Variants in MCC observed in about 807,000 individuals in gnomAD.
MCC encodes the protein colorectal mutant cancer protein.
In MCC, 90 loss-of-function variants were observed where a neutral mutation model predicts 116.2. That is an observed-to-expected ratio of 0.77 (90% confidence interval 0.65 to 0.92). The LOEUF (loss-of-function observed/expected upper bound fraction) is 0.92, where lower values mean the gene tolerates loss of function less well. Ranked by LOEUF, MCC falls within the 40% of genes least tolerant of loss-of-function variation. MCC has a pLI of 0.00. For synonymous variants in MCC, 578 were observed against 510.5 expected, an observed-to-expected ratio of 1.13 and a Z score of -1.78; for missense variants, 1,516 against 1,312.2, an observed-to-expected ratio of 1.16 and a Z score of -2.40.
intron 1 of MCC, among the ~76,000 whole-genome samples, chr5:113,415,555 G>A (rs547287710): frequency 4.6e-5 from 7 of 152,034 alleles, no homozygotes; most frequent in East Asian, 1.9e-4. Flanking sequence ...CCACTTGATC[G>A]AATTGGCTAT....
chr5:113,037,973 C>A (rs1225332655), intron 17 of MCC, among the ~76,000 whole-genome samples: 3 of 152,122 alleles, frequency 2.0e-5, no homozygotes, highest in Non-Finnish European at 2.9e-5. Flanking sequence ...GCACCCTAAT[C>A]CGAAGTGTGT....
intron 8 of MCC, among the ~76,000 whole-genome samples, chr5:113,100,746 C>T (rs567773690): frequency 6.6e-6 from 1 of 152,308 alleles, no homozygotes; most frequent in East Asian, 1.9e-4. Flanking sequence ...GCTCGGATTA[C>T]AGGCGTGAGC....
chr5:113,222,245 C>G (rs1280827799), intron 3 of MCC, among the ~76,000 whole-genome samples: 1 of 152,152 alleles, frequency 6.6e-6, no homozygotes, highest in African/African-American at 2.4e-5. Flanking sequence ...ACTGAACTAG[C>G]TTTGCGTTGC....
At chr5:113,197,799 G>A (rs1258087627) in intron 3 of MCC, among the ~76,000 whole-genome samples, 2 of 152,236 alleles carry the variant, frequency 1.3e-5, no homozygotes, top group Admixed American at 1.3e-4. Context: ...AGGTCACAGG[G>A]GAACTGTGAA....
chr5:113,120,561 T>G (rs7701321), intron 6 of MCC, among the ~76,000 whole-genome samples: 17,637 of 152,220 alleles, frequency 0.12, 1,683 homozygotes, highest in African/African-American at 0.25. Context: ...TGGATTGGTT[T>G]ATTACCTCAT....
Position 113,083,024 on chromosome 5 carries a change from T to C in MCC, c.1636-16A>G. 1 of 1,607,798 alleles carries C rather than the reference T, an allele frequency of 6.2e-7. No individual in the cohort carries two copies. The highest frequency in any genetic ancestry group is 1.1e-5 in the South Asian group (1 of 89,784). ...TGCTGGATACCTGCAAAAAGAAGCA[T>C]TAATTCCCCTTTGGAACATATCATT... is the stretch of plus-strand genomic sequence containing the variant. On this transcript the variant is annotated splice_polypyrimidine_tract_variant and intron_variant, in intron 10 of 18. Coordinates refer to ENST00000408903, the MANE Select transcript of MCC (RefSeq NM_001085377.2).
intron 3 of MCC, among the ~76,000 whole-genome samples, chr5:113,277,321 T>C (rs1366960816): frequency 6.6e-6 from 1 of 151,564 alleles, no homozygotes; most frequent in Admixed American, 6.6e-5. Context: ...TGAGCCGAGA[T>C]TGTGCCACTG....
chr5:113,261,243 T>G (rs1765208984), intron 3 of MCC, among the ~76,000 whole-genome samples: 1 of 152,184 alleles, frequency 6.6e-6, no homozygotes, highest in African/African-American at 2.4e-5. Flanking sequence ...GCTTATTTTA[T>G]GCTTAAGTAT....
At chr5:113,174,313 C>G (rs984731638) in intron 3 of MCC, among the ~76,000 whole-genome samples, 2 of 152,178 alleles carry the variant, frequency 1.3e-5, no homozygotes, top group African/African-American at 4.8e-5. Context: ...CTGGTGGAGG[C>G]TGGATGGAGT....
At chr5:113,103,734 A>G (rs1756567351) in intron 7 of MCC, among the ~76,000 whole-genome samples, 1 of 152,194 alleles carries the variant, frequency 6.6e-6, no homozygotes, top group African/African-American at 2.4e-5. Context: ...TGACTTTCCC[A>G]TCATTCACAA....
At chr5:113,179,218 A>AT (rs1485715093) in intron 3 of MCC, among the ~76,000 whole-genome samples, 6 of 152,314 alleles carry the variant, frequency 3.9e-5, no homozygotes, top group African/African-American at 1.4e-4. Context: ...CATTAATCTT[A>AT]TGAACAGTAC....
intron 1 of MCC, among the ~76,000 whole-genome samples, chr5:113,388,231 A>G (rs1178003876): frequency 6.6e-6 from 1 of 152,332 alleles, no homozygotes; most frequent in East Asian, 1.9e-4. Flanking sequence ...CATTCATTGC[A>G]CTCTACCAAA....
chr5:113,440,010 A>C (rs1455887300), intron 1 of MCC, among the ~76,000 whole-genome samples: 1 of 152,030 alleles, frequency 6.6e-6, no homozygotes, highest in Non-Finnish European at 1.5e-5. Flanking sequence ...GGATCCTCCC[A>C]CCTCAGCCTC....
intron 8 of MCC, among the ~76,000 whole-genome samples, chr5:113,095,670 C>G (rs1371726227): frequency 6.6e-6 from 1 of 151,576 alleles, no homozygotes; most frequent in Non-Finnish European, 1.5e-5. Context: ...GGGTGCACAC[C>G]ATCACACTTG....
At chr5:113,297,843 G>C (rs1052861680) in intron 3 of MCC, among the ~76,000 whole-genome samples, 2 of 151,730 alleles carry the variant, frequency 1.3e-5, no homozygotes, top group African/African-American at 2.4e-5. Context: ...GAAAACAGGA[G>C]AGCTTAAAAA....
chr5:113,284,274 C>T (rs537610233), intron 3 of MCC, among the ~76,000 whole-genome samples: 76 of 152,286 alleles, frequency 5.0e-4, no homozygotes, highest in Admixed American at 2.2e-3. Flanking sequence ...CACTTGAGCC[C>T]AGTGGGTAGA....
At chr5:113,432,595 C>T (rs1770693002) in intron 1 of MCC, 1 of 152,154 alleles carries the variant, frequency 6.6e-6, no homozygotes. Context: ...GAAACTGAGA[C>T]ATATAGATTA....
At chr5:113,334,636 G>C (rs1465438404) in intron 3 of MCC, among the ~76,000 whole-genome samples, 1 of 135,622 alleles carries the variant, frequency 7.4e-6, no homozygotes, top group Non-Finnish European at 1.5e-5. Flanking sequence ...TGTCGCCCAG[G>C]CTGGAGTGCA....
intron 3 of MCC, among the ~76,000 whole-genome samples, chr5:113,180,914 C>T (rs534683969): frequency 6.6e-6 from 1 of 152,140 alleles, no homozygotes; most frequent in East Asian, 1.9e-4. Context: ...CATTCAGCAC[C>T]CTACTTTGAA....
Sources: gnomAD v4.1 joint callset for allele counts (sites outside exome capture counted in the v4.1 genomes callset) on GRCh38, gnomAD v4.1.1 for gene constraint, MANE v1.5 for transcripts, NCBI Gene and HGNC (gene_info 2026-07-23, HGNC 2026-07-21) for gene names.